Variants in KIAA1328 observed in about 807,000 individuals in gnomAD.
KIAA1328 encodes KIAA1328.
KIAA1328 carries 52 observed loss-of-function variants against 68.1 expected under a neutral mutation model. That is an observed-to-expected ratio of 0.76 (90% CI 0.61 to 0.96). The LOEUF (loss-of-function observed/expected upper bound fraction) is 0.96. KIAA1328 is among the 40% of genes least tolerant of loss of function. The pLI, the probability that KIAA1328 is intolerant of heterozygous loss-of-function variation, is 0.00. For synonymous variants in KIAA1328, 232 were observed against 239.4 expected (o/e 0.97, Z 0.28); for missense variants, 641 against 677.6 (o/e 0.95, Z 0.60).
intron 6 of KIAA1328, among the ~76,000 whole-genome samples, chr18:36,960,030 G>C (rs2051593670): frequency 6.6e-6 from 1 of 152,212 alleles, no homozygotes; most frequent in African/African-American, 2.4e-5. Context: ...ACCCACTTCT[G>C]GTTGGGGGAT....
chr18:37,208,943 T>C (rs1249333019), intron 9 of KIAA1328, among the ~76,000 whole-genome samples: 1 of 152,186 alleles, frequency 6.6e-6, no homozygotes, highest in Non-Finnish European at 1.5e-5. Flanking sequence ...TTCTGGGAAT[T>C]GGCTGAAGGA....
intron 7 of KIAA1328, among the ~76,000 whole-genome samples, chr18:37,120,190 T>A (rs1599343515): frequency 6.6e-6 from 1 of 152,180 alleles, no homozygotes; most frequent in East Asian, 1.9e-4. Flanking sequence ...TAAAAAAAAA[T>A]TCATCTTGAT....
At chr18:36,951,339 T>G (rs1176414184) in intron 5 of KIAA1328, among the ~76,000 whole-genome samples, 1 of 152,230 alleles carries the variant, frequency 6.6e-6, no homozygotes, top group Non-Finnish European at 1.5e-5. Flanking sequence ...CAGTCTCAGA[T>G]GTTACTGTAC....
chr18:36,947,397 G>A (rs185211860), intron 5 of KIAA1328, among the ~76,000 whole-genome samples: 2 of 152,262 alleles, frequency 1.3e-5, no homozygotes, highest in East Asian at 3.9e-4. Context: ...ACAAGTTACT[G>A]GCAGACATAA....
At chr18:36,852,003 A>G (rs961281688) in intron 4 of KIAA1328, among the ~76,000 whole-genome samples, 1 of 152,014 alleles carries the variant, frequency 6.6e-6, no homozygotes, top group Non-Finnish European at 1.5e-5. Context: ...TCATTTCAAG[A>G]TACTTTCTAA....
intron 7 of KIAA1328, among the ~76,000 whole-genome samples, chr18:37,128,911 G>A (rs559630913): frequency 1.2e-4 from 19 of 152,242 alleles, no homozygotes; most frequent in Admixed American, 7.9e-4. Context: ...CAACAAAAAA[G>A]ACCATATATG....
intron 7 of KIAA1328, among the ~76,000 whole-genome samples, chr18:37,110,622 T>C (rs558287096): frequency 6.6e-6 from 1 of 152,228 alleles, no homozygotes; most frequent in African/African-American, 2.4e-5. Flanking sequence ...TGGATACACT[T>C]AGGATGAACA....
intron 7 of KIAA1328, among the ~76,000 whole-genome samples, chr18:37,146,029 C>G (rs1020490892): frequency 2.0e-5 from 3 of 151,938 alleles, no homozygotes; most frequent in Non-Finnish European, 4.4e-5. Context: ...TTTGTTTATT[C>G]ATTGCTGTTT....
intron 5 of KIAA1328, among the ~76,000 whole-genome samples, chr18:36,906,989 C>A (rs1308467945): frequency 1.3e-5 from 2 of 152,024 alleles, no homozygotes; most frequent in Non-Finnish European, 2.9e-5. Context: ...TAAGAAGTTT[C>A]TTCTGTGAGT....
At chr18:36,990,718 T>C (rs1254916776) in intron 6 of KIAA1328, among the ~76,000 whole-genome samples, 1 of 151,930 alleles carries the variant, frequency 6.6e-6, no homozygotes, top group Non-Finnish European at 1.5e-5. Context: ...TTTTCTTCTA[T>C]TACAGAGAAT....
chr18:37,127,323 A>AT (rs1222617903), intron 7 of KIAA1328, among the ~76,000 whole-genome samples: 1 of 152,220 alleles, frequency 6.6e-6, no homozygotes, highest in African/African-American at 2.4e-5. Flanking sequence ...CACGTTCATA[A>AT]TACCATTAAA....
intron 6 of KIAA1328, among the ~76,000 whole-genome samples, chr18:37,048,953 G>T (rs1366595143): frequency 6.6e-6 from 1 of 152,094 alleles, no homozygotes; most frequent in Non-Finnish European, 1.5e-5. Flanking sequence ...AAAGAATGGT[G>T]TTATTGAAAT....
At chr18:37,002,219 T>C (rs902304594) in intron 6 of KIAA1328, among the ~76,000 whole-genome samples, 1 of 85,938 alleles carries the variant, frequency 1.2e-5, no homozygotes, top group Non-Finnish European at 2.6e-5. Context: ...TTTTTCTTCA[T>C]TTTTTTTTCT....
At chr18:37,155,099 A>G (rs1444155926) in intron 7 of KIAA1328, among the ~76,000 whole-genome samples, 1 of 152,116 alleles carries the variant, frequency 6.6e-6, no homozygotes, top group East Asian at 1.9e-4. Flanking sequence ...TTTCAGGAAA[A>G]TCTTTTTCTT....
At chr18:37,203,841 G>A (rs1038681930) in intron 9 of KIAA1328, among the ~76,000 whole-genome samples, 6 of 148,072 alleles carry the variant, frequency 4.1e-5, no homozygotes, top group Admixed American at 6.8e-5. Context: ...ACGGAGTCTC[G>A]CTCTGTCGCC....
chr18:37,146,660 A>G (rs1437020588), intron 7 of KIAA1328, among the ~76,000 whole-genome samples: 1 of 152,018 alleles, frequency 6.6e-6, no homozygotes, highest in African/African-American at 2.4e-5. Flanking sequence ...TAATTCCTCT[A>G]TTATCTTATT....
intron 7 of KIAA1328, among the ~76,000 whole-genome samples, chr18:37,113,992 T>C (rs893903986): frequency 1.3e-5 from 2 of 151,128 alleles, no homozygotes; most frequent in South Asian, 2.1e-4. Flanking sequence ...AATACAGGAG[T>C]ACCCAGATTC....
chr18:36,927,793 G>A (rs2050172912), intron 5 of KIAA1328, among the ~76,000 whole-genome samples: 1 of 151,432 alleles, frequency 6.6e-6, no homozygotes, highest in East Asian at 1.9e-4. Flanking sequence ...AATGAGTGGG[G>A]TGGAAGGAAG....
intron 4 of KIAA1328, among the ~76,000 whole-genome samples, chr18:36,860,657 T>C (rs770867050): frequency 2.6e-5 from 4 of 152,212 alleles, no homozygotes; most frequent in Admixed American, 6.5e-5. Flanking sequence ...TACATGTATA[T>C]TTAAATTTTA....
Sources: allele counts gnomAD v4.1 joint callset (sites outside exome capture counted in the v4.1 genomes callset), GRCh38; gene constraint gnomAD v4.1.1; transcripts MANE v1.5; gene names NCBI Gene and HGNC (gene_info 2026-07-23, HGNC 2026-07-21).